Variants in CHL1 observed in about 807,000 individuals in gnomAD.
CHL1 encodes the protein cell adhesion molecule L1 like, also known as neural cell adhesion molecule L1-like protein.
A neutral mutation model predicts 141.9 loss-of-function variants in CHL1; 96 were observed. The observed-to-expected ratio is 0.68, with a 90% confidence interval of 0.57 to 0.80. The LOEUF is 0.80. Among genes scored for constraint, CHL1 ranks in the 30% least tolerant of loss-of-function variants. The pLI is 0.00. For synonymous variants in CHL1, 613 were observed against 502.2 expected, an observed-to-expected ratio of 1.22 and a Z score of -2.95; for missense variants, 1,820 against 1,457.2, an observed-to-expected ratio of 1.25 and a Z score of -4.05.
chr3:337,000 G>T (rs73103145), intron 5 of CHL1, among the ~76,000 whole-genome samples: 74 of 152,146 alleles, frequency 4.9e-4, no homozygotes, highest in African/African-American at 1.7e-3. Flanking sequence ...CTTGGTGTTA[G>T]TTGTTGCTAG....
rs371968194 is a variant in CHL1, at chr3:354,650, C to T, written c.1044C>T (p.Arg348=). Residue 348 remains arginine (R), a synonymous_variant, in exon 11 of 28, where the codon CGC becomes CGT. Transcript: ENST00000256509. ...DFHVIVEEPP[R]WTKKPQSAVY... is the part of the protein sequence containing the mutation. ...TCACTTTACATCCAGAGCCTCCTCG[C>T]TGGACAAAGAAGCCTCAGAGTGCTG... 9.4e-5 allele frequency: 151 copies of T among 1,612,066 alleles called. No homozygotes were observed. The highest frequency in any genetic ancestry group is 1.2e-4 in the Non-Finnish European group (147 of 1,179,156).
chr3:361,334 C>T (rs1704225979), intron 12 of CHL1, among the ~76,000 whole-genome samples: 1 of 137,340 alleles, frequency 7.3e-6, no homozygotes, highest in Non-Finnish European at 1.6e-5. Context: ...GTCTAAAACA[C>T]CAGAAGCAAT....
chr3:234,997 T>TATTATTATTATC (rs1574803661), intron 1 of CHL1, among the ~76,000 whole-genome samples: 1 of 145,558 alleles, frequency 6.9e-6, no homozygotes, highest in Non-Finnish European at 1.5e-5. Context: ...TTATTACTAT[T>TATTATTATTATC]ATTATTATTA....
intron 1 of CHL1, among the ~76,000 whole-genome samples, chr3:237,141 G>A (rs73018693): frequency 0.07 from 10,601 of 152,250 alleles, 413 homozygotes; most frequent in Middle Eastern, 0.11. Context: ...TAATCCCCAT[G>A]TGTTGGGGGA....
intron 2 of CHL1, among the ~76,000 whole-genome samples, chr3:256,613 A>G (rs1342154783): frequency 2.0e-5 from 3 of 152,226 alleles, no homozygotes; most frequent in African/African-American, 7.2e-5. Context: ...ACTCAGGACA[A>G]CTGAATGCCC....
intron 1 of CHL1, among the ~76,000 whole-genome samples, chr3:216,795 C>T (rs1700362012): frequency 6.6e-6 from 1 of 152,198 alleles, no homozygotes; most frequent in Admixed American, 6.5e-5. Context: ...TTCTGGATGG[C>T]ACACCCAGAC....
intron 1 of CHL1, among the ~76,000 whole-genome samples, chr3:230,322 A>G (rs1041413006): frequency 2.0e-5 from 3 of 152,214 alleles, no homozygotes; most frequent in Admixed American, 6.5e-5. Context: ...AGATGAAAGC[A>G]AAGGCTTAAC....
chr3:319,492 T>C (rs1388986151), intron 2 of CHL1, among the ~76,000 whole-genome samples, 191 bp from the exon 3 acceptor site: 1 of 151,606 alleles, frequency 6.6e-6, no homozygotes, highest in Non-Finnish European at 1.5e-5. Context: ...AGAGTATATA[T>C]TCGCTGTCCT....
rs145695662 is a variant in CHL1 at position 275,052 on chromosome 3, CG to C, written c.-95+30361del. On this transcript the variant is annotated intron_variant, in intron 2 of 27. Coordinates refer to ENST00000256509, the MANE Select transcript of CHL1 (RefSeq NM_006614.4). ...GTGGTCCTACTCACCACTGCAACTT[CG>C]TTGCCTAGCATGGCACCAGCACACA... Among the ~76,000 whole-genome samples the C allele has an allele frequency of 8.5e-4, 129 of 152,348 alleles. 4 individuals carry two copies. The South Asian group carries it at 0.023, about 27-fold the overall frequency.
Position 394,211 on chromosome 3 carries a change from T to C in CHL1, c.2915-482T>C, listed in dbSNP as rs114839253. ...ATTTATTGATTCTATGTATACTGAGTAGCTATTTGGTGCCACATGTTAAAC... is the reference window on the plus strand; with the variant it reads ...ATTTATTGATTCTATGTATACTGAGCAGCTATTTGGTGCCACATGTTAAAC... On this transcript the variant is annotated intron_variant, in intron 23 of 27. Transcript: ENST00000256509. Among the ~76,000 whole-genome samples the C allele has an allele frequency of 6.8e-3, 1,034 of 152,304 alleles. 15 individuals are homozygous for C. The highest frequency in any genetic ancestry group is 0.024 in the African/African-American group (980 of 41,560).
intron 15 of CHL1, among the ~76,000 whole-genome samples, chr3:376,836 C>T (rs1262267966): frequency 1.3e-5 from 2 of 152,024 alleles, no homozygotes; most frequent in East Asian, 3.9e-4. Flanking sequence ...ATTAACAATT[C>T]AAGGTAATAT....
intron 2 of CHL1, among the ~76,000 whole-genome samples, chr3:249,728 T>C (rs1344620895): frequency 1.3e-5 from 2 of 152,130 alleles, no homozygotes; most frequent in Non-Finnish European, 2.9e-5. Context: ...GCCTATTGAA[T>C]TTAAGTTGGT....
intron 1 of CHL1, among the ~76,000 whole-genome samples, chr3:241,362 G>T (rs554764907): frequency 1.3e-5 from 2 of 152,022 alleles, no homozygotes; most frequent in African/African-American, 4.8e-5. Context: ...TGATGTAGAG[G>T]GTATGTTGTG....
chr3:310,680 T>A (rs1699681859), intron 2 of CHL1, among the ~76,000 whole-genome samples: 1 of 152,136 alleles, frequency 6.6e-6, no homozygotes, highest in Non-Finnish European at 1.5e-5. Context: ...GCCTCTCCGT[T>A]ATCAACACCA....
At chr3:207,727 T>A (rs1441446538) in intron 1 of CHL1, among the ~76,000 whole-genome samples, 1 of 152,232 alleles carries the variant, frequency 6.6e-6, no homozygotes, top group Non-Finnish European at 1.5e-5. Context: ...CAAGCCTGTT[T>A]AAATTTGACC....
intron 16 of CHL1, among the ~76,000 whole-genome samples, chr3:378,327 T>A (rs1706604086): frequency 6.6e-6 from 1 of 152,112 alleles, no homozygotes; most frequent in Non-Finnish European, 1.5e-5. Context: ...AAGAGGTGGA[T>A]GCACGGTGGT....
chr3:344,747 C>A, intron 9 of CHL1, 38 bp downstream of exon 9: 1 of 1,602,992 alleles, frequency 6.2e-7, no homozygotes, highest in Non-Finnish European at 8.5e-7. Flanking sequence ...TTTGTCCATC[C>A]AGTTCTGTAA....
intron 1 of CHL1, among the ~76,000 whole-genome samples, chr3:225,443 A>G (rs1701229506): frequency 6.6e-6 from 1 of 152,244 alleles, no homozygotes; most frequent in Non-Finnish European, 1.5e-5. Context: ...CAAATTAGAG[A>G]GACATCCAAT....
At chr3:283,529 T>G (rs756553607) in intron 2 of CHL1, among the ~76,000 whole-genome samples, 4 of 152,236 alleles carry the variant, frequency 2.6e-5, no homozygotes, top group Non-Finnish European at 5.9e-5. Context: ...TGTCTGTCTA[T>G]CTGTCTCTAA....
Sources: gnomAD v4.1 joint callset for allele counts (sites outside exome capture counted in the v4.1 genomes callset) on GRCh38, gnomAD v4.1.1 for gene constraint, MANE v1.5 for transcripts, NCBI Gene and HGNC (gene_info 2026-07-23, HGNC 2026-07-21) for gene names.